Variants in SLC12A7 observed in about 807,000 individuals in gnomAD.
SLC12A7 encodes solute carrier family 12 member 7.
SLC12A7 carries 100 observed loss-of-function variants against 120.6 expected under a neutral mutation model. The observed-to-expected ratio is 0.83, with a 90% CI of 0.71 to 0.98. The LOEUF (loss-of-function observed/expected upper bound fraction) is 0.98. Ranked by LOEUF, SLC12A7 falls within the 50% of genes least tolerant of loss-of-function variation. The probability of loss-of-function intolerance (pLI) is 0.00; values close to 1 mark genes in which losing one functional copy is unlikely to be tolerated. For synonymous variants in SLC12A7, 760 were observed against 678.0 expected (o/e 1.12, Z -1.88); for missense variants, 1,373 against 1,548.1 (o/e 0.89, Z 1.90).
intron 1 of SLC12A7, among the ~76,000 whole-genome samples, chr5:1,103,749 G>A (rs1742233527): frequency 6.6e-6 from 1 of 152,242 alleles, no homozygotes; most frequent in Non-Finnish European, 1.5e-5. Flanking sequence ...GGGGTGCCCA[G>A]GACACAGGCA....
chr5:1,054,997 G>A lies in SLC12A7; in HGVS notation c.3027-1515C>T, dbSNP rs551590056. ...AGGCCAGGAGCACAGGGGGGTCGGA[G>A]TGGGCAGCGTGTCCACAGCCAGTGA... On this transcript the variant is annotated intron_variant, in intron 22 of 23. Coordinates refer to ENST00000264930, the MANE Select transcript of SLC12A7 (RefSeq NM_006598.3). Among the ~76,000 whole-genome samples the A allele has an allele frequency of 2.0e-4, 31 of 152,350 alleles. 1 individual carries two copies. In the South Asian group the frequency reaches 6.0e-3, roughly 29 times the overall value.
intron 18 of SLC12A7, 46 bp downstream of exon 18, chr5:1,065,215 CGAGGGGACACTGAGAGGACACA>C: frequency 8.6e-7 from 1 of 1,161,760 alleles, no homozygotes; most frequent in African/African-American, 1.6e-5. Flanking sequence ...CAGGGGACAG[CGAGGGGACACTGAGAGGACACA>C]GAGGGGACGG....
chr5:1,076,265 G>C, intron 13 of SLC12A7, 29 bp from the exon 14 acceptor site: 1 of 1,561,714 alleles, frequency 6.4e-7, no homozygotes, highest in Non-Finnish European at 8.7e-7. Flanking sequence ...ACTGATACGG[G>C]CCCACTGGGC....
Position 1,065,443 on chromosome 5 carries a change from C to G in SLC12A7, c.2277G>C (p.Lys759Asn). The change falls in exon 18 of 24, where the codon AAG becomes AAC. Residue 759 changes from lysine to asparagine, a missense_variant. By Grantham distance (94) the Lys-to-Asn change is moderately conservative. Transcript: ENST00000264930. ...IRSLMSTEKT[K>N]GFCQLVVSSS... ...ACGAGACCACCAGCTGGCAGAAGCCCTTGGTCTTCTCTGTGCTCATTAGGG... is the reference window on the plus strand; with the variant it reads ...ACGAGACCACCAGCTGGCAGAAGCCGTTGGTCTTCTCTGTGCTCATTAGGG... 6.2e-7 allele frequency: 1 copy of G among 1,610,044 alleles called. No homozygotes were observed. Among genetic ancestry groups the G allele is most frequent in the South Asian group, 1.1e-5 (1 of 90,648 alleles).
intron 22 of SLC12A7, among the ~76,000 whole-genome samples, chr5:1,055,337 G>A (rs988432247): frequency 6.6e-6 from 1 of 152,234 alleles, no homozygotes; most frequent in Non-Finnish European, 1.5e-5. Flanking sequence ...ACACAGGCAG[G>A]TACACGTCCA....
intron 1 of SLC12A7, among the ~76,000 whole-genome samples, chr5:1,110,277 T>A (rs1017389939): frequency 1.3e-5 from 2 of 152,272 alleles, no homozygotes; most frequent in African/African-American, 4.8e-5. Context: ...CTCAAAAGTG[T>A]CCAGAAGCCC....
the SLC12A7 span, among the ~76,000 whole-genome samples, chr5:1,149,107 AAG>A: frequency 1.4e-5 from 1 of 71,016 alleles, no homozygotes; most frequent in Non-Finnish European, 3.6e-5. Flanking sequence ...CTACACCCAG[AAG>A]GGGGACTGTG....
At chr5:1,135,721 C>T in the SLC12A7 span, among the ~76,000 whole-genome samples, 4 of 152,350 alleles carry the variant, frequency 2.6e-5, no homozygotes, top group Admixed American at 2.0e-4. Flanking sequence ...AGACAAACAT[C>T]CCATTCAGGG....
chr5:1,080,801 A>C (rs914889677), intron 9 of SLC12A7, among the ~76,000 whole-genome samples: 6 of 152,206 alleles, frequency 3.9e-5, no homozygotes, highest in Non-Finnish European at 7.4e-5. Context: ...GGCCACTCCT[A>C]GGTGTCTCCT....
intron 1 of SLC12A7, among the ~76,000 whole-genome samples, chr5:1,110,131 G>A (rs148263738): frequency 5.7e-4 from 87 of 152,376 alleles, no homozygotes; most frequent in African/African-American, 1.8e-3. Flanking sequence ...CTGCGTGCCC[G>A]TTACAGCCTG....
the SLC12A7 span, among the ~76,000 whole-genome samples, chr5:1,132,466 T>C: frequency 6.6e-6 from 1 of 152,192 alleles, no homozygotes; most frequent in African/African-American, 2.4e-5. Flanking sequence ...CCTCCAATTC[T>C]TTCTTGTGTG....
chr5:1,118,880 T>A, the SLC12A7 span, among the ~76,000 whole-genome samples: 1 of 152,140 alleles, frequency 6.6e-6, no homozygotes, highest in Non-Finnish European at 1.5e-5. Context: ...GCTGAACTTC[T>A]GGGCCGGCTG....
intron 19 of SLC12A7, 33 bp from the exon 20 acceptor site, chr5:1,064,008 C>T: frequency 6.2e-7 from 1 of 1,608,692 alleles, no homozygotes; most frequent in East Asian, 2.2e-5. Flanking sequence ...TGTGGGGCCT[C>T]AGAGGAGCCC....
chr5:1,086,607 G>A (rs984255862), intron 6 of SLC12A7, among the ~76,000 whole-genome samples: 1 of 152,238 alleles, frequency 6.6e-6, no homozygotes, highest in Non-Finnish European at 1.5e-5. Flanking sequence ...AGCTCCGACT[G>A]CAGGACTGCA....
At chr5:1,054,857 A>G (rs1735444018) in intron 22 of SLC12A7, among the ~76,000 whole-genome samples, 1 of 152,252 alleles carries the variant, frequency 6.6e-6, no homozygotes, top group Non-Finnish European at 1.5e-5. Flanking sequence ...GTCTCTGTCC[A>G]CAGCACAGTC....
chr5:1,154,450 GAC>G, the SLC12A7 span, among the ~76,000 whole-genome samples: 2 of 150,490 alleles, frequency 1.3e-5, no homozygotes, highest in African/African-American at 4.9e-5. Context: ...ACATAATATA[GAC>G]ACACACACCT....
chr5:1,066,623 T>G (rs962860206), intron 17 of SLC12A7, among the ~76,000 whole-genome samples: 1 of 152,176 alleles, frequency 6.6e-6, no homozygotes, highest in Non-Finnish European at 1.5e-5. Flanking sequence ...TGAAGAACCC[T>G]GTAATTAGGT....
In SLC12A7 at chr5:1,082,348, G is replaced by A. The variant is rs556838522; in HGVS notation, c.1130-604C>T. 1.1e-3 allele frequency among the ~76,000 whole-genome samples: 126 copies of A among 111,084 alleles called. 1 individual carries two copies. Among genetic ancestry groups the A allele is most frequent in the Middle Eastern group, 0.012 (2 of 162 alleles). The allele number at this position is 111,084 out of a possible 152,430, so 72.9% of individuals were successfully genotyped here. A position where few individuals can be genotyped will look rare whatever the true frequency, so the allele number is the denominator to read the frequency against. On this transcript the variant is annotated intron_variant, in intron 8 of 23. Coordinates refer to ENST00000264930, the MANE Select transcript of SLC12A7 (RefSeq NM_006598.3). ...TGGAAAGTCCGGGCTTCCCGTCTCG[G>A]GTTCTGGAAAGTCCAGGCTTCCCGT... is the stretch of plus-strand genomic sequence containing the variant.
Position 1,052,409 on chromosome 5 carries a change from ACT to A in SLC12A7, c.3201_3202del (p.Arg1067SerfsTer54). On this transcript the variant is annotated frameshift_variant, in exon 24 of 24. Coordinates refer to ENST00000264930, the MANE Select transcript of SLC12A7 (RefSeq NM_006598.3). LOFTEE classifies it high-confidence loss of function. ...CCGGCCGCCACCCCTGACCAGGAGG[ACT>A]CTGTTCAGCCCCTCGGTCAGGACTT... 6.2e-7 allele frequency: 1 copy of A among 1,612,568 alleles called. No individual in the cohort carries two copies. Among genetic ancestry groups the A allele is most frequent in the Non-Finnish European group, 8.5e-7 (1 of 1,179,904 alleles).
Sources: gnomAD v4.1 joint callset for allele counts (sites outside exome capture counted in the v4.1 genomes callset) on GRCh38, gnomAD v4.1.1 for gene constraint, MANE v1.5 for transcripts, NCBI Gene and HGNC (gene_info 2026-07-23, HGNC 2026-07-21) for gene names.